NRXN3: variants seen among roughly 807,000 people sequenced by gnomAD.
The protein encoded by NRXN3 is neurexin III.
A neutral mutation model predicts 137.6 loss-of-function variants in NRXN3; 32 were observed. That is an observed-to-expected ratio of 0.23 (90% CI 0.18 to 0.31). The LOEUF is 0.31. NRXN3 is among the 10% of genes least tolerant of loss of function. The pLI is 1.00. For synonymous variants in NRXN3, 798 were observed against 784.5 expected, an observed-to-expected ratio of 1.02 and a Z score of -0.29; for missense variants, 1,574 against 2,062.5, an observed-to-expected ratio of 0.76 and a Z score of 4.59.
At chr14:79,315,334 C>T (rs1389347454) in intron 15 of NRXN3, among the ~76,000 whole-genome samples, 2 of 152,016 alleles carry the variant, frequency 1.3e-5, no homozygotes, top group African/African-American at 4.8e-5. Flanking sequence ...TAATTCTTTC[C>T]TGGGCTGATA....
At chr14:79,317,485 A>G (rs1031353478) in intron 15 of NRXN3, among the ~76,000 whole-genome samples, 6 of 152,128 alleles carry the variant, frequency 3.9e-5, no homozygotes, top group Non-Finnish European at 5.9e-5. Context: ...TACTATGTCT[A>G]TCCTACTCCA....
intron 15 of NRXN3, among the ~76,000 whole-genome samples, chr14:79,078,298 T>C (rs966332778): frequency 2.0e-5 from 3 of 152,200 alleles, no homozygotes; most frequent in African/African-American, 7.2e-5. Flanking sequence ...ATCACTCGCA[T>C]GTTAACCCAT....
At chr14:78,511,554 T>C (rs2153790155) in intron 4 of NRXN3, among the ~76,000 whole-genome samples, 1 of 152,252 alleles carries the variant, frequency 6.6e-6, no homozygotes, top group South Asian at 2.1e-4. Flanking sequence ...CCAAGGTGGT[T>C]CTCAGCACAA....
At chr14:79,236,651 C>T (rs950103587) in intron 15 of NRXN3, among the ~76,000 whole-genome samples, 1 of 151,930 alleles carries the variant, frequency 6.6e-6, no homozygotes, top group Admixed American at 6.6e-5. Context: ...CTGGCTCACA[C>T]CTATAATGTC....
At chr14:79,538,185 G>A (rs1214933709) in intron 16 of NRXN3, among the ~76,000 whole-genome samples, 2 of 152,008 alleles carry the variant, frequency 1.3e-5, no homozygotes, top group Non-Finnish European at 2.9e-5. Context: ...GTAGATTCTG[G>A]ATATTAGCCC....
At chr14:79,789,537 T>C (rs1358130487) in intron 19 of NRXN3, among the ~76,000 whole-genome samples, 1 of 152,062 alleles carries the variant, frequency 6.6e-6, no homozygotes, top group East Asian at 1.9e-4. Flanking sequence ...AGTTGCTCAT[T>C]TGTATGGTTC....
intron 4 of NRXN3, among the ~76,000 whole-genome samples, chr14:78,521,310 G>A (rs1235409512): frequency 6.6e-6 from 1 of 152,038 alleles, no homozygotes; most frequent in Admixed American, 6.6e-5. Flanking sequence ...TTGATGTTTA[G>A]GTTAGTTTGG....
At chr14:79,756,910 T>G (rs931879734) in intron 19 of NRXN3, among the ~76,000 whole-genome samples, 1 of 152,188 alleles carries the variant, frequency 6.6e-6, no homozygotes, top group Non-Finnish European at 1.5e-5. Flanking sequence ...CGACAATCCT[T>G]GCTTTTGTGA....
chr14:78,385,461 G>C (rs2089835208), intron 4 of NRXN3, among the ~76,000 whole-genome samples: 1 of 152,094 alleles, frequency 6.6e-6, no homozygotes, highest in African/African-American at 2.4e-5. Flanking sequence ...GTTAAAAATA[G>C]TGTTCTATTG....
At chr14:78,686,905 G>A (rs1198257437) in intron 6 of NRXN3, among the ~76,000 whole-genome samples, 2 of 152,110 alleles carry the variant, frequency 1.3e-5, no homozygotes, top group Non-Finnish European at 2.9e-5. Context: ...AACAACATGA[G>A]GGGTCCCTGC....
chr14:78,983,935 G>A (rs1227690597), intron 14 of NRXN3, among the ~76,000 whole-genome samples: 1 of 151,744 alleles, frequency 6.6e-6, no homozygotes, highest in Admixed American at 6.6e-5. Flanking sequence ...GAACCCGGAG[G>A]ATATTATGCC....
intron 15 of NRXN3, among the ~76,000 whole-genome samples, chr14:79,018,030 C>T (rs576176052): frequency 2.5e-4 from 38 of 151,678 alleles, no homozygotes; most frequent in African/African-American, 7.3e-4. Context: ...GAGGCTGAGG[C>T]GGGAGGATCA....
chr14:78,546,272 A>C (rs2096635874), intron 4 of NRXN3, among the ~76,000 whole-genome samples: 1 of 152,170 alleles, frequency 6.6e-6, no homozygotes, highest in African/African-American at 2.4e-5. Flanking sequence ...GTGTAAAGTG[A>C]TATTTCATTG....
intron 15 of NRXN3, among the ~76,000 whole-genome samples, chr14:79,220,516 C>T (rs78316105): frequency 0.027 from 4,172 of 152,156 alleles, 140 homozygotes; most frequent in South Asian, 0.086. Flanking sequence ...TGTACATTAT[C>T]TTCATGTGTC....
At position 78,988,050 on chromosome 14, in the gene NRXN3, A is replaced by T; in HGVS notation, c.3171A>T (p.Ser1057=). The change falls in exon 15 of 21, where the codon TCA becomes TCT. Residue 1057 remains serine (S), a synonymous_variant. Transcript: ENST00000335750. ...EGPSTTCQED[S]CANQGVCMQQ... ...CCAGTACCACCTGCCAGGAAGATTC[A>T]TGTGCCAACCAGGGGGTCTGCATGC... 3 of 1,613,728 alleles carry T rather than the reference A, an allele frequency of 1.9e-6. No individual in the cohort carries two copies. The highest frequency in any genetic ancestry group is 1.1e-5 in the South Asian group (1 of 91,052).
chr14:79,596,829 C>T (rs1339055960), intron 16 of NRXN3, among the ~76,000 whole-genome samples: 1 of 152,082 alleles, frequency 6.6e-6, no homozygotes, highest in African/African-American at 2.4e-5. Flanking sequence ...TAAGCTGATG[C>T]CCTTTGGATT....
chr14:78,474,507 A>ATCATACAGTGGTAGCT (rs6145400), intron 4 of NRXN3, among the ~76,000 whole-genome samples: 6 of 152,136 alleles, frequency 3.9e-5, no homozygotes, highest in African/African-American at 1.2e-4. Context: ...GGCTCAACTT[A>ATCATACAGTGGTAGCT]TCAAGTTATG....
intron 16 of NRXN3, among the ~76,000 whole-genome samples, chr14:79,597,777 T>C (rs984470021): frequency 3.9e-5 from 6 of 152,140 alleles, no homozygotes; most frequent in Non-Finnish European, 7.3e-5. Flanking sequence ...AGCTGATTCA[T>C]AGCCTGAGTC....
chr14:79,651,170 G>A (rs1487603176), intron 16 of NRXN3, among the ~76,000 whole-genome samples: 1 of 152,098 alleles, frequency 6.6e-6, no homozygotes, highest in Non-Finnish European at 1.5e-5. Context: ...TGAACACTAA[G>A]CCTTTCACCT....
Sources: gnomAD v4.1 joint callset for allele counts (sites outside exome capture counted in the v4.1 genomes callset) on GRCh38, gnomAD v4.1.1 for gene constraint, MANE v1.5 for transcripts, NCBI Gene and HGNC (gene_info 2026-07-23, HGNC 2026-07-21) for gene names.